AHNAK: variants seen among roughly 807,000 people sequenced by gnomAD.
The protein encoded by AHNAK is neuroblast differentiation-associated protein AHNAK.
A neutral mutation model predicts 37.8 loss-of-function variants in AHNAK; 23 were observed. That is an observed-to-expected ratio of 0.61 (90% confidence interval 0.44 to 0.86). AHNAK has a LOEUF of 0.86. Among genes scored for constraint, AHNAK ranks in the 40% least tolerant of loss-of-function variants. The probability of loss-of-function intolerance (pLI) is 0.00; values close to 1 mark genes in which losing one functional copy is unlikely to be tolerated. For missense variants in AHNAK, 7,411 were observed against 7,319.4 expected (o/e 1.01, Z -0.46); for synonymous variants, 2,481 against 2,636.3 (o/e 0.94, Z 1.80).
chr11:62,511,241 GTT>G (rs540063151), downstream of AHNAK, among the ~76,000 whole-genome samples: 1 of 135,822 alleles, frequency 7.4e-6, no homozygotes, highest in African/African-American at 2.7e-5. Context: ...CTTGTTTTTT[GTT>G]TTTTTTTTTT....
At chr11:62,472,171 C>T (rs967095055) in intron 5 of AHNAK, among the ~76,000 whole-genome samples, 1 of 152,070 alleles carries the variant, frequency 6.6e-6, no homozygotes, top group Non-Finnish European at 1.5e-5. Context: ...CTTCCCATGC[C>T]GTCACACCAC....
At chr11:62,446,400 C>T (rs971720688) in intron 5 of AHNAK, among the ~76,000 whole-genome samples, 2 of 152,128 alleles carry the variant, frequency 1.3e-5, no homozygotes, top group Admixed American at 1.3e-4. Flanking sequence ...GATTGCATCC[C>T]ATAATAGCCA....
At chr11:62,511,253 TTGC>T (rs1177095146), downstream of AHNAK, among the ~76,000 whole-genome samples, 2 of 151,928 alleles carry the variant, frequency 1.3e-5, no homozygotes, top group Non-Finnish European at 2.9e-5. Context: ...TTTTTTTTTT[TTGC>T]TTGTTTGTTT....
chr11:62,506,480 CAGG>C (rs1384020435), intron 4 of AHNAK, among the ~76,000 whole-genome samples: 1 of 152,136 alleles, frequency 6.6e-6, no homozygotes, highest in Non-Finnish European at 1.5e-5. Flanking sequence ...GGGAAACTGT[CAGG>C]GGCAGGAGCA....
At position 62,526,740 on chromosome 11, in the gene AHNAK, C is replaced by T; in HGVS notation, c.7677G>A (p.Glu2559=). 6.2e-7 allele frequency: 1 copy of T among 1,613,916 alleles called. No homozygotes were observed. Among genetic ancestry groups the T allele is most frequent in the Non-Finnish European group, 8.5e-7 (1 of 1,179,992 alleles). The change falls in exon 5 of 5, where the codon GAG becomes GAA. Residue 2559 remains glutamate (E), a synonymous_variant. Transcript: ENST00000378024. Reference sequence around the variant, plus strand: ...TTAACTTAGGCCCTTTCAACTTTCCCTCTGGTCCTTCAATATTAACATCAG... The same window carrying T: ...TTAACTTAGGCCCTTTCAACTTTCCTTCTGGTCCTTCAATATTAACATCAG... ...EGPDVNIEGP[E]GKLKGPKLKM...
rs1179991859 is a variant in AHNAK, at chr11:62,533,973, G to A, written c.444C>T (p.Ser148=). Residue 148 remains serine, a synonymous_variant, in exon 5 of 5, where the codon AGC becomes AGT. Coordinates refer to ENST00000378024, the MANE Select transcript of AHNAK (RefSeq NM_001620.3). ...CCCTTCTGGTCACTGTGATGGTACG[G>A]CTCTGGGTCTCCCCGAGGTCTCCTT... is the stretch of plus-strand genomic sequence containing the variant. ...GVEGDLGETQ[S]RTITVTRRVT... is the part of the protein sequence containing the mutation. The A allele has an allele frequency of 6.2e-7, 1 of 1,611,778 alleles. No homozygotes were observed. Among genetic ancestry groups the A allele is most frequent in the Non-Finnish European group, 8.5e-7 (1 of 1,178,360 alleles).
intron 5 of AHNAK, among the ~76,000 whole-genome samples, chr11:62,482,025 C>G (rs1424550200): frequency 2.6e-5 from 4 of 152,172 alleles, no homozygotes; most frequent in African/African-American, 9.7e-5. Context: ...GTCAGCCATG[C>G]TCACTCCATC....
rs143854820 is a variant in AHNAK, at chr11:62,485,169, C to T, written c.442+6563G>A. 2.6e-4 allele frequency among the ~76,000 whole-genome samples: 40 copies of T among 152,198 alleles called. 1 individual carries two copies. Among genetic ancestry groups the T allele is most frequent in the African/African-American group, 8.7e-4 (36 of 41,520 alleles). On this transcript the variant is annotated intron_variant, in intron 5 of 5. Transcript: ENST00000257247. ...ACCCCAGCACTTTGAGAGGCCAAAG[C>T]GGGAGGATCGTTTGAGCCTAGGAAT...
At chr11:62,435,832 C>G (rs1031348953) in intron 5 of AHNAK, among the ~76,000 whole-genome samples, 1 of 152,222 alleles carries the variant, frequency 6.6e-6, no homozygotes, top group South Asian at 2.1e-4. Context: ...GCAGGCTGGC[C>G]GCACCCAGCC....
At chr11:62,535,347 TAGAA>T (rs1035400907) in intron 3 of AHNAK, among the ~76,000 whole-genome samples, 157 bp from the exon 4 acceptor site, 1 of 151,942 alleles carries the variant, frequency 6.6e-6, no homozygotes, top group African/African-American at 2.4e-5. Flanking sequence ...AACTGAGGCT[TAGAA>T]AGGCCAATTT....
chr11:62,520,357 T>C lies in AHNAK; in HGVS notation c.14060A>G (p.Lys4687Arg). The C allele has an allele frequency of 6.2e-7, 1 of 1,613,148 alleles. No individual in the cohort carries two copies. Among genetic ancestry groups the C allele is most frequent in the Non-Finnish European group, 8.5e-7 (1 of 1,179,828 alleles). The change falls in exon 5 of 5, where the codon AAA becomes AGA. Residue 4687 changes from lysine to arginine, a missense_variant. Lys to Arg is a conservative substitution (Grantham distance 26). Coordinates refer to ENST00000378024, the MANE Select transcript of AHNAK (RefSeq NM_001620.3). ...PKADIDVSGP[K>R]VDVDVPDVNI... ...CACATCAGGAACATCAACGTCCACT[T>C]TGGGTCCTGAGACATCAATGTCAGC... is the stretch of plus-strand genomic sequence containing the variant.
chr11:62,476,553 G>A (rs1336763708), intron 5 of AHNAK, among the ~76,000 whole-genome samples: 2 of 152,230 alleles, frequency 1.3e-5, no homozygotes, highest in African/African-American at 4.8e-5. Flanking sequence ...TTGGACGGTC[G>A]TTCAGCATTT....
intron 5 of AHNAK, among the ~76,000 whole-genome samples, chr11:62,484,652 T>C (rs1022862946): frequency 2.0e-5 from 3 of 152,094 alleles, no homozygotes; most frequent in South Asian, 2.1e-4. Context: ...TGAAGAGCAG[T>C]GAGGGCCAGG....
At chr11:62,446,237 A>C (rs1484743933) in intron 5 of AHNAK, among the ~76,000 whole-genome samples, 1 of 152,072 alleles carries the variant, frequency 6.6e-6, no homozygotes, top group African/African-American at 2.4e-5. Flanking sequence ...AAAGAAGCCT[A>C]GCCTGTAAGT....
chr11:62,467,700 A>G (rs1226883061), intron 5 of AHNAK, among the ~76,000 whole-genome samples: 1 of 152,138 alleles, frequency 6.6e-6, no homozygotes, highest in Non-Finnish European at 1.5e-5. Flanking sequence ...ACAACAACAA[A>G]ATGCCTCTTG....
In AHNAK at chr11:62,524,405, C is replaced by A. The variant is rs779074697; in HGVS notation, c.10012G>T (p.Gly3338Cys). Residue 3338 changes from glycine (G) to cysteine (C), a missense_variant, in exon 5 of 5, where the codon GGT becomes TGT. Coordinates refer to ENST00000378024, the MANE Select transcript of AHNAK (RefSeq NM_001620.3). Reference protein sequence around the residue: ...DIKGPEVDVSGPKLNIEGKSK... With the variant: ...DIKGPEVDVSCPKLNIEGKSK... ...TTGCCTTCGATATTAAGCTTAGGAC[C>A]GGAAACGTCCACTTCTGGGCCCTTT... 33 of 1,612,132 alleles carry A rather than the reference C, an allele frequency of 2.0e-5. No individual in the cohort carries two copies. Among genetic ancestry groups the A allele is most frequent in the Admixed American group, 3.4e-5 (2 of 59,580 alleles).
At position 62,533,280 on chromosome 11, in the gene AHNAK, T is replaced by C; in HGVS notation, c.1137A>G (p.Ser379=). The stretch of plus-strand genomic sequence containing the variant: ...CTTTCAGGCCTAGGTCACCCTCAAG[T>C]GATGGCCCAGTGATTTGGGGGCCCT... ...KLKGPQITGP[S]LEGDLGLKGA... The change falls in exon 5 of 5, where the codon TCA becomes TCG. Residue 379 remains serine, a synonymous_variant. Coordinates refer to ENST00000378024, the MANE Select transcript of AHNAK (RefSeq NM_001620.3). 6.5e-7 allele frequency: 1 copy of C among 1,528,862 alleles called. No individual in the cohort carries two copies. The highest frequency in any genetic ancestry group is 2.2e-5 in the Admixed American group (1 of 44,972). The allele number at this position is 1,528,862 out of a possible 1,614,324, so 94.7% of individuals were successfully genotyped here. A position where few individuals can be genotyped will look rare whatever the true frequency, so the allele number is the denominator to read the frequency against.
At chr11:62,491,825 G>C (rs767052344) in exon 5 of AHNAK, 3 of 1,611,234 alleles carry the variant, frequency 1.9e-6, no homozygotes, top group Non-Finnish European at 1.7e-6. Context: ...GATGGCTGTG[G>C]TGTGTTCTAA....
intron 5 of AHNAK, among the ~76,000 whole-genome samples, chr11:62,474,351 AT>A (rs1324846032): frequency 6.6e-6 from 1 of 151,908 alleles, no homozygotes; most frequent in Non-Finnish European, 1.5e-5. Flanking sequence ...CGCCCAGCTA[AT>A]TTTTATATAT....
Sources: allele counts gnomAD v4.1 joint callset (sites outside exome capture counted in the v4.1 genomes callset), GRCh38; gene constraint gnomAD v4.1.1; transcripts MANE v1.5; gene names NCBI Gene and HGNC (gene_info 2026-07-23, HGNC 2026-07-21).